The following RYR2 variants were observed in gnomAD, a reference collection of about 807,000 sequenced individuals.
RYR2 encodes cardiac muscle ryanodine receptor-calcium release channel.
Under a neutral mutation model 601.1 loss-of-function variants are expected in RYR2, and 227 were observed. The observed-to-expected ratio is 0.38, with a 90% confidence interval of 0.34 to 0.42. RYR2 has a LOEUF of 0.42. Among genes scored for constraint, RYR2 ranks in the 10% least tolerant of loss-of-function variants. The pLI, the probability that RYR2 is intolerant of heterozygous loss-of-function variation, is 1.00. For missense variants in RYR2, 4,646 were observed against 6,156.5 expected, an observed-to-expected ratio of 0.75 and a Z score of 8.21; for synonymous variants, 2,223 against 2,175.1, an observed-to-expected ratio of 1.02 and a Z score of -0.61.
At chr1:237,202,922 T>C (rs146627773) in intron 1 of RYR2, among the ~76,000 whole-genome samples, 49 of 152,286 alleles carry the variant, frequency 3.2e-4, no homozygotes, top group African/African-American at 1.1e-3. Flanking sequence ...CCAAACAACA[T>C]AGTCACCATA....
At chr1:237,664,126 G>C (rs1684063637) in intron 56 of RYR2, among the ~76,000 whole-genome samples, 1 of 152,158 alleles carries the variant, frequency 6.6e-6, no homozygotes, top group South Asian at 2.1e-4. Flanking sequence ...TACTACACAT[G>C]TAGGACAAAA....
chr1:237,194,380 A>G (rs1424181870), intron 1 of RYR2, among the ~76,000 whole-genome samples: 1 of 152,216 alleles, frequency 6.6e-6, no homozygotes, highest in East Asian at 1.9e-4. Context: ...ACTATACATG[A>G]GTGAGAAACA....
At chr1:237,641,025 G>T (rs767168420) in intron 47 of RYR2, 23 bp downstream of exon 47, 2 of 1,551,868 alleles carry the variant, frequency 1.3e-6, no homozygotes, top group Non-Finnish European at 1.8e-6. Flanking sequence ...GAGTTCAGGA[G>T]CAGCAATCCT....
intron 1 of RYR2, among the ~76,000 whole-genome samples, chr1:237,072,198 G>A (rs1249555673): frequency 2.6e-5 from 4 of 152,222 alleles, no homozygotes; most frequent in Admixed American, 2.0e-4. Flanking sequence ...GCTCCATGGG[G>A]CATGCCGCCC....
At chr1:237,207,897 G>C (rs539186925) in intron 1 of RYR2, among the ~76,000 whole-genome samples, 1 of 152,196 alleles carries the variant, frequency 6.6e-6, no homozygotes. Context: ...ATCAACCTGA[G>C]AGCATATTAA....
intron 86 of RYR2, among the ~76,000 whole-genome samples, chr1:237,772,621 G>A (rs906308976): frequency 5.9e-5 from 9 of 152,116 alleles, no homozygotes; most frequent in East Asian, 1.9e-4. Flanking sequence ...AATTGAAGAC[G>A]TAGGCCTCTT....
At chr1:237,428,300 A>G (rs542786936) in intron 12 of RYR2, among the ~76,000 whole-genome samples, 1 of 152,290 alleles carries the variant, frequency 6.6e-6, no homozygotes, top group African/African-American at 2.4e-5. Flanking sequence ...ATATACATAT[A>G]CCTGTTTATT....
chr1:237,522,008 T>C (rs756523255), intron 24 of RYR2, among the ~76,000 whole-genome samples: 41 of 152,258 alleles, frequency 2.7e-4, no homozygotes, highest in Non-Finnish European at 5.6e-4. Flanking sequence ...AGTTTTAGGG[T>C]ACATGTGTAC....
intron 1 of RYR2, among the ~76,000 whole-genome samples, chr1:237,259,160 C>A (rs900180712): frequency 2.0e-5 from 3 of 152,180 alleles, no homozygotes; most frequent in African/African-American, 7.2e-5. Context: ...GCATAAGAGT[C>A]ATCAGCACAG....
chr1:237,420,260 T>C (rs911159950), intron 11 of RYR2, among the ~76,000 whole-genome samples: 1 of 152,212 alleles, frequency 6.6e-6, no homozygotes. Context: ...TTAGTTCCTG[T>C]AATAGGAATA....
chr1:237,639,672 C>A (rs979779601), intron 46 of RYR2, among the ~76,000 whole-genome samples: 4 of 152,042 alleles, frequency 2.6e-5, no homozygotes, highest in Non-Finnish European at 5.9e-5. Flanking sequence ...TGTTGAGGTA[C>A]AGAAGACAGA....
intron 52 of RYR2, among the ~76,000 whole-genome samples, chr1:237,655,502 A>G (rs1161163804): frequency 1.3e-5 from 2 of 152,184 alleles, no homozygotes; most frequent in African/African-American, 4.8e-5. Context: ...TGTAGTCCCT[A>G]TTGACTGAAA....
chr1:237,257,217 C>T (rs1688080485), intron 1 of RYR2, among the ~76,000 whole-genome samples: 1 of 152,166 alleles, frequency 6.6e-6, no homozygotes, highest in Non-Finnish European at 1.5e-5. Flanking sequence ...AGATTTGTCT[C>T]ATTCGACCAC....
intron 27 of RYR2, among the ~76,000 whole-genome samples, chr1:237,555,684 G>A (rs959159936): frequency 6.6e-6 from 1 of 152,070 alleles, no homozygotes; most frequent in Non-Finnish European, 1.5e-5. Flanking sequence ...GATACTCACT[G>A]AAAATTGCAA....
At position 237,649,952 on chromosome 1, in the gene RYR2, A is replaced by G; in HGVS notation, c.7588A>G (p.Arg2530Gly). ...LCTAVLPLLT[R>G]CAPLFAGTEH... ...CACAGCCGTCTTGCCATTGTTAACA[A>G]GATGTGCTCCTCTCTTTGCTGGCAC... is the stretch of plus-strand genomic sequence containing the variant. The change falls in exon 50 of 105, where the codon AGA becomes GGA. Residue 2530 changes from arginine (R) to glycine (G), a missense_variant. Transcript: ENST00000366574. The G allele has an allele frequency of 6.2e-7, 1 of 1,613,906 alleles. No individual in the cohort carries two copies. Among genetic ancestry groups the G allele is most frequent in the Non-Finnish European group, 8.5e-7 (1 of 1,179,856 alleles).
intron 96 of RYR2, among the ~76,000 whole-genome samples, chr1:237,795,836 G>GTATA (rs1553329286): frequency 3.8e-5 from 5 of 132,668 alleles, no homozygotes; most frequent in African/African-American, 5.7e-5. Context: ...GTGTGTGTGT[G>GTATA]TATATATATA....
At chr1:237,520,510 T>C (rs552900019) in intron 24 of RYR2, among the ~76,000 whole-genome samples, 1 of 152,336 alleles carries the variant, frequency 6.6e-6, no homozygotes, top group South Asian at 2.1e-4. Flanking sequence ...GTTCTTATTA[T>C]GAAGCGATGC....
chr1:237,382,486 C>G (rs1701605500), intron 8 of RYR2, among the ~76,000 whole-genome samples: 1 of 151,666 alleles, frequency 6.6e-6, no homozygotes, highest in South Asian at 2.1e-4. Flanking sequence ...ATTAACTTGT[C>G]ATTTACATTA....
intron 17 of RYR2, among the ~76,000 whole-genome samples, chr1:237,491,425 C>T (rs1663324710): frequency 6.6e-6 from 1 of 152,168 alleles, no homozygotes; most frequent in African/African-American, 2.4e-5. Context: ...ATATGCCCCA[C>T]GTTCAAGACT....
Sources: gnomAD v4.1 joint callset for allele counts (sites outside exome capture counted in the v4.1 genomes callset) on GRCh38, gnomAD v4.1.1 for gene constraint, MANE v1.5 for transcripts, NCBI Gene and HGNC (gene_info 2026-07-23, HGNC 2026-07-21) for gene names.